The following STK3 variants were observed in gnomAD, a reference collection of about 807,000 sequenced individuals.
STK3 encodes serine/threonine-protein kinase 3.
STK3 carries 41 observed loss-of-function variants against 58.0 expected under a neutral mutation model. The observed-to-expected ratio is 0.71, with a 90% confidence interval of 0.55 to 0.92. The LOEUF is 0.92. STK3 is among the 40% of genes least tolerant of loss of function. The pLI is 0.00. For synonymous variants in STK3, 170 were observed against 191.0 expected (o/e 0.89, Z 0.91); for missense variants, 479 against 602.7 (o/e 0.79, Z 2.15).
chr8:98,900,361 G>A (rs544809302), intron 1 of STK3, among the ~76,000 whole-genome samples: 4 of 152,070 alleles, frequency 2.6e-5, no homozygotes, highest in East Asian at 3.9e-4. Flanking sequence ...GATTACAGGC[G>A]TGAGCCACCA....
chr8:98,676,420 C>T (rs1823214088), intron 6 of STK3, among the ~76,000 whole-genome samples: 1 of 152,090 alleles, frequency 6.6e-6, no homozygotes, highest in Admixed American at 6.5e-5. Flanking sequence ...ACCATCCAGC[C>T]CAATCAACAT....
chr8:98,861,344 ATTT>A (rs772895902), intron 3 of STK3, among the ~76,000 whole-genome samples: 3 of 85,922 alleles, frequency 3.5e-5, no homozygotes, highest in South Asian at 4.3e-4. Flanking sequence ...GTTTCTTTGG[ATTT>A]TTTTTTTTTT....
At chr8:98,640,040 CCTATTCTATT>C (rs576356984) in intron 6 of STK3, among the ~76,000 whole-genome samples, 2 of 152,100 alleles carry the variant, frequency 1.3e-5, no homozygotes, top group South Asian at 2.1e-4. Flanking sequence ...TTCCATATTC[CCTATTCTATT>C]CTATTCTATT....
chr8:98,393,121 T>C (rs1817863835), upstream of STK3, among the ~76,000 whole-genome samples: 1 of 152,204 alleles, frequency 6.6e-6, no homozygotes, highest in South Asian at 2.1e-4. Flanking sequence ...GAGAGAGCAC[T>C]CAGGAGGCTT....
chr8:98,759,841 G>A (rs1012835252), intron 3 of STK3, among the ~76,000 whole-genome samples: 3 of 152,044 alleles, frequency 2.0e-5, no homozygotes, highest in African/African-American at 7.2e-5. Flanking sequence ...ATGGCGAACT[G>A]GTTCCAGGAA....
intron 1 of STK3, among the ~76,000 whole-genome samples, chr8:98,814,902 G>C (rs576738466): frequency 6.6e-6 from 1 of 152,114 alleles, no homozygotes; most frequent in Non-Finnish European, 1.5e-5. Flanking sequence ...GGCTGGTCTT[G>C]AACTCCTAGA....
At chr8:98,435,022 T>C (rs541719026) in intron 2 of STK3, among the ~76,000 whole-genome samples, 1 of 152,308 alleles carries the variant, frequency 6.6e-6, no homozygotes, top group Admixed American at 6.5e-5. Context: ...CCCACTGCTC[T>C]CCACCTGGAC....
intron 3 of STK3, among the ~76,000 whole-genome samples, chr8:98,433,093 T>A (rs978175576): frequency 2.6e-5 from 4 of 152,196 alleles, no homozygotes; most frequent in Non-Finnish European, 1.5e-5. Flanking sequence ...TGTTTGTTTT[T>A]GCAATTTGGG....
At chr8:98,353,342 T>G in the STK3 span, among the ~76,000 whole-genome samples, 1 of 151,840 alleles carries the variant, frequency 6.6e-6, no homozygotes, top group Non-Finnish European at 1.5e-5. Flanking sequence ...GAAAGAAAAA[T>G]TATCTGGGTG....
intron 3 of STK3, among the ~76,000 whole-genome samples, chr8:98,414,929 A>G (rs1329885281): frequency 1.3e-5 from 2 of 152,238 alleles, no homozygotes; most frequent in Non-Finnish European, 2.9e-5. Flanking sequence ...CCACTAATTT[A>G]GAACAAATAT....
chr8:98,484,194 CAGG>C (rs1822068008), intron 10 of STK3, among the ~76,000 whole-genome samples: 1 of 146,232 alleles, frequency 6.8e-6, no homozygotes, highest in Non-Finnish European at 1.5e-5. Context: ...TCAGAAAGAC[CAGG>C]AGGCCATTTA....
At chr8:98,761,299 AT>A (rs1234257229) in intron 3 of STK3, among the ~76,000 whole-genome samples, 1 of 150,992 alleles carries the variant, frequency 6.6e-6, no homozygotes, top group Non-Finnish European at 1.5e-5. Flanking sequence ...GAATTTTTGT[AT>A]TTTTTTTAGA....
At chr8:98,713,809 G>A (rs932078755) in intron 4 of STK3, among the ~76,000 whole-genome samples, 43 of 151,758 alleles carry the variant, frequency 2.8e-4, no homozygotes, top group Admixed American at 5.9e-4. Context: ...CCAAAGCCTG[G>A]CAGAGACACA....
At chr8:98,379,824 A>C (rs1475286039) in intron 1 of STK3, among the ~76,000 whole-genome samples, 1 of 152,260 alleles carries the variant, frequency 6.6e-6, no homozygotes, top group Admixed American at 6.5e-5. Context: ...TGAAATCGGG[A>C]TCTTGAAGAG....
At chr8:98,869,022 AGAAG>A (rs200905250) in intron 3 of STK3, among the ~76,000 whole-genome samples, 18,410 of 111,484 alleles carry the variant, frequency 0.17, 1,602 homozygotes, top group Middle Eastern at 0.19. Context: ...GAAAAAGGAA[AGAAG>A]GAAGGAAGGA....
chr8:98,578,772 G>A (rs1250120783), intron 8 of STK3, among the ~76,000 whole-genome samples: 1 of 152,054 alleles, frequency 6.6e-6, no homozygotes, highest in Non-Finnish European at 1.5e-5. Flanking sequence ...AATACCAAGG[G>A]TTATTCTCCT....
intron 10 of STK3, among the ~76,000 whole-genome samples, chr8:98,519,816 T>C (rs1825217559): frequency 6.6e-6 from 1 of 152,092 alleles, no homozygotes; most frequent in South Asian, 2.1e-4. Context: ...GAATAAATAT[T>C]TAAGAATCAG....
At chr8:98,411,066 C>G (rs919369043) in intron 3 of STK3, among the ~76,000 whole-genome samples, 21 of 152,224 alleles carry the variant, frequency 1.4e-4, no homozygotes, top group Admixed American at 1.4e-3. Context: ...TTCAACCATC[C>G]ATGCCCATTT....
intron 8 of STK3, among the ~76,000 whole-genome samples, chr8:98,576,069 C>T (rs1813372349): frequency 6.6e-6 from 1 of 152,134 alleles, no homozygotes; most frequent in Admixed American, 6.5e-5. Flanking sequence ...TACTAAAAGG[C>T]TGCTGTATTT....
Sources: gnomAD v4.1 joint callset for allele counts (sites outside exome capture counted in the v4.1 genomes callset) on GRCh38, gnomAD v4.1.1 for gene constraint, MANE v1.5 for transcripts, NCBI Gene and HGNC (gene_info 2026-07-23, HGNC 2026-07-21) for gene names.